PPA1: variants seen among roughly 807,000 people sequenced by gnomAD.
PPA1 encodes the protein inorganic pyrophosphatase 1.
A neutral mutation model predicts 41.8 loss-of-function variants in PPA1; 23 were observed. The observed-to-expected ratio is 0.55, with a 90% CI of 0.40 to 0.78. The LOEUF (loss-of-function observed/expected upper bound fraction) is 0.78. Among genes scored for constraint, PPA1 ranks in the 30% least tolerant of loss-of-function variants. PPA1 has a pLI of 0.00. For synonymous variants in PPA1, 101 were observed against 116.8 expected, an observed-to-expected ratio of 0.86 and a Z score of 0.87; for missense variants, 320 against 361.6, an observed-to-expected ratio of 0.89 and a Z score of 0.93.
In PPA1 at chr10:70,218,462, T is replaced by C. The variant is rs1413865109; in HGVS notation, c.177+302A>G. The C allele has an allele frequency of 2.2e-5, 6 of 276,180 alleles. No homozygotes were observed. The South Asian group carries it at 4.4e-4, about 20-fold the overall frequency. The allele number at this position is 276,180 out of a possible 1,614,324, so 17.1% of individuals were successfully genotyped here. On this transcript the variant is annotated intron_variant, in intron 3 of 10. Transcript: ENST00000373232. The stretch of plus-strand genomic sequence containing the variant: ...CCAATGAGAGTATCTGTGGCTGGGG[T>C]GACTAAGGAGGGGTCAGTGAAGGGC...
In PPA1 at chr10:70,203,868, A is replaced by G. The variant is rs1260461283; in HGVS notation, c.839-682T>C. ...CCACTCAGGGTCCCCTCCAGTGTCC[A>G]GCGGGCACCTCCATGGAACTCAGAG... On this transcript the variant is annotated intron_variant, in intron 10 of 10. Transcript: ENST00000373232. 7.9e-5 allele frequency: 12 copies of G among 152,628 alleles called. No homozygotes were observed. The East Asian group carries it at 2.3e-3, about 29-fold the overall frequency. The allele number at this position is 152,628 out of a possible 1,614,324, so 9.5% of individuals were successfully genotyped here.
At chr10:70,228,334 G>A (rs1840254851) in intron 2 of PPA1, among the ~76,000 whole-genome samples, 1 of 152,160 alleles carries the variant, frequency 6.6e-6, no homozygotes, top group South Asian at 2.1e-4. Flanking sequence ...AAACATCTAT[G>A]ATCATTCTGG....
intron 4 of PPA1, 58 bp downstream of exon 4, chr10:70,217,754 G>A: frequency 7.3e-7 from 1 of 1,363,018 alleles, no homozygotes; most frequent in African/African-American, 1.5e-5. Context: ...ACTAATAGCA[G>A]TAAATTAATA....
intron 2 of PPA1, among the ~76,000 whole-genome samples, chr10:70,222,426 T>C (rs1840184068): frequency 6.6e-6 from 1 of 151,980 alleles, no homozygotes. Context: ...TTGATTTTTT[T>C]CAACAAATAT....
chr10:70,207,703 G>C (rs906678520), intron 8 of PPA1, among the ~76,000 whole-genome samples: 1 of 152,002 alleles, frequency 6.6e-6, no homozygotes, highest in Non-Finnish European at 1.5e-5. Context: ...TTATTACATA[G>C]TGTTAAATTT....
At chr10:70,228,994 C>T (rs930725224) in intron 2 of PPA1, among the ~76,000 whole-genome samples, 2 of 152,160 alleles carry the variant, frequency 1.3e-5, no homozygotes, top group African/African-American at 4.8e-5. Flanking sequence ...ACCTATGTAA[C>T]TCTTACAACT....
rs1050375831 is a variant in PPA1 at position 70,233,378 on chromosome 10, C to T, written c.-51G>A. ...TGCCACAGAGCCACCAGCCCGCACG[C>T]GGCGCCGACTGACAAGGAGAGAGCC... On this transcript the variant is annotated 5_prime_UTR_variant, in exon 1 of 11. Coordinates refer to ENST00000373232, the MANE Select transcript of PPA1 (RefSeq NM_021129.4). The T allele has an allele frequency of 4.6e-6, 7 of 1,525,740 alleles. No homozygotes were observed. Among genetic ancestry groups the T allele is most frequent in the Non-Finnish European group, 6.1e-6 (7 of 1,140,334 alleles). The allele number at this position is 1,525,740 out of a possible 1,614,324, so 94.5% of individuals were successfully genotyped here.
intron 3 of PPA1, chr10:70,218,507 A>G (rs1325282259): frequency 4.5e-6 from 2 of 447,112 alleles, no homozygotes; most frequent in African/African-American, 4.0e-5. Context: ...GTAAGAGGAG[A>G]AAAAGTAATT....
intron 4 of PPA1, among the ~76,000 whole-genome samples, chr10:70,216,146 A>G (rs1247777870): frequency 6.6e-6 from 1 of 152,224 alleles, no homozygotes; most frequent in Non-Finnish European, 1.5e-5. Context: ...TAAGTATTTC[A>G]GCAATGTTCT....
At chr10:70,223,390 T>A (rs1486640972) in intron 2 of PPA1, among the ~76,000 whole-genome samples, 2 of 152,110 alleles carry the variant, frequency 1.3e-5, no homozygotes, top group Non-Finnish European at 2.9e-5. Flanking sequence ...AATTGTTTTT[T>A]AATTATGTTT....
At chr10:70,230,306 TAA>T (rs771089933) in intron 2 of PPA1, 33 bp downstream of exon 2, 6 of 1,607,252 alleles carry the variant, frequency 3.7e-6, no homozygotes, top group East Asian at 4.5e-5. Flanking sequence ...CTGATCTGAG[TAA>T]AGAGACTGTG....
intron 2 of PPA1, among the ~76,000 whole-genome samples, chr10:70,221,017 T>A (rs59512101): frequency 1.4e-5 from 1 of 71,530 alleles, no homozygotes; most frequent in African/African-American, 6.8e-5. Flanking sequence ...TATATATAAT[T>A]TATATATATA....
At chr10:70,232,859 C>T (rs547237188) in intron 1 of PPA1, among the ~76,000 whole-genome samples, 3 of 152,138 alleles carry the variant, frequency 2.0e-5, no homozygotes, top group Non-Finnish European at 4.4e-5. Context: ...TCACTGCCCC[C>T]CCCGGCCCGG....
At chr10:70,221,055 A>ATTTTT (rs1232241016) in intron 2 of PPA1, among the ~76,000 whole-genome samples, 1 of 41,670 alleles carries the variant, frequency 2.4e-5, no homozygotes, top group African/African-American at 2.2e-4. Context: ...ATATATATAT[A>ATTTTT]ATTTATATAT....
At chr10:70,224,799 C>T (rs571902520) in intron 2 of PPA1, among the ~76,000 whole-genome samples, 6 of 152,282 alleles carry the variant, frequency 3.9e-5, no homozygotes, top group South Asian at 2.1e-4. Context: ...GGTGCAATCT[C>T]GGCTCACTGC....
intron 1 of PPA1, among the ~76,000 whole-genome samples, chr10:70,231,842 C>T (rs988537119): frequency 6.6e-6 from 1 of 152,210 alleles, no homozygotes; most frequent in Non-Finnish European, 1.5e-5. Flanking sequence ...TCTCCCATAA[C>T]GGCCACCAAA....
chr10:70,220,728 A>G (rs1318076465), intron 2 of PPA1, among the ~76,000 whole-genome samples: 1 of 7,442 alleles, frequency 1.3e-4, no homozygotes, highest in African/African-American at 4.9e-4. Context: ...TATATATATA[A>G]TATATATAAT....
chr10:70,209,768 CAAAT>C, intron 6 of PPA1, 83 bp from the exon 7 acceptor site: 1 of 1,431,752 alleles, frequency 7.0e-7, no homozygotes. Context: ...TCAAGATGCA[CAAAT>C]AATTATACAC....
At chr10:70,216,907 C>A (rs1436235816) in intron 4 of PPA1, among the ~76,000 whole-genome samples, 1 of 152,088 alleles carries the variant, frequency 6.6e-6, no homozygotes, top group African/African-American at 2.4e-5. Context: ...TGGTGGCTCA[C>A]ACCTGTAATC....
Sources: gnomAD v4.1 joint callset for allele counts (sites outside exome capture counted in the v4.1 genomes callset) on GRCh38, gnomAD v4.1.1 for gene constraint, MANE v1.5 for transcripts, NCBI Gene and HGNC (gene_info 2026-07-23, HGNC 2026-07-21) for gene names.